Variants in WIZ observed in about 807,000 individuals in gnomAD.
The protein encoded by WIZ is WIZ zinc finger, also known as protein Wiz.
In WIZ, 25 loss-of-function variants were observed where a neutral mutation model predicts 140.2. The observed-to-expected ratio is 0.18, with a 90% CI of 0.13 to 0.25. WIZ has a LOEUF of 0.25. WIZ is among the 10% of genes least tolerant of loss of function. The probability of loss-of-function intolerance (pLI) is 1.00; values close to 1 mark genes in which losing one functional copy is unlikely to be tolerated. For missense variants in WIZ, 2,231 were observed against 2,632.6 expected (o/e 0.85, Z 3.34); for synonymous variants, 1,125 against 1,154.3 (o/e 0.97, Z 0.51).
At chr19:15,425,794 AG>A in intron 9 of WIZ, 26 bp from the exon 10 acceptor site, 1 of 850,970 alleles carries the variant, frequency 1.2e-6, no homozygotes, top group Non-Finnish European at 1.5e-6. Context: ...GGTAGGGGGA[AG>A]GAGGAGGAGG....
chr19:15,445,319 T>C lies in WIZ; in HGVS notation c.206-2571A>G, dbSNP rs557825295. On this transcript the variant is annotated intron_variant, in intron 2 of 12. Coordinates refer to ENST00000673675, the MANE Select transcript of WIZ (RefSeq NM_001371589.1). ...CGAGTTCAATACCCCAGGGGTGCCC[T>C]GAAGGGCGTGCCTCTCCCACTCCGA... is the stretch of plus-strand genomic sequence containing the variant. Among the ~76,000 whole-genome samples the C allele has an allele frequency of 6.2e-4, 95 of 152,346 alleles. 1 individual carries two copies. The South Asian group carries it at 0.019, about 31-fold the overall frequency.
chr19:15,439,809 C>G lies in WIZ; in HGVS notation c.1185G>C (p.Glu395Asp). 3.3e-6 allele frequency: 5 copies of G among 1,523,622 alleles called. No homozygotes were observed. Among genetic ancestry groups the G allele is most frequent in the Non-Finnish European group, 4.4e-6 (5 of 1,140,880 alleles). 94.4% of individuals were successfully genotyped at this position (1,523,622 alleles called of 1,614,324 possible). ...GGCACTGCAGCCGTGCCTCCCGGCC[C>G]TCGTCTCCTGGAACTTGCTTCAGCT... Reference protein sequence around the residue: ...IQKLKQVPGDEGREARLQCPK... With the variant: ...IQKLKQVPGDDGREARLQCPK... Residue 395 changes from glutamate (E) to aspartate (D), a missense_variant, in exon 4 of 13, where the codon GAG becomes GAC. Coordinates refer to ENST00000673675, the MANE Select transcript of WIZ (RefSeq NM_001371589.1). The surrounding 1 kb of genome is among the most constrained non-coding windows in gnomAD (Gnocchi z 7.0).
In WIZ at chr19:15,439,301, T is replaced by G; in HGVS notation, c.1693A>C (p.Lys565Gln). 1 of 1,535,436 alleles carries G rather than the reference T, an allele frequency of 6.5e-7. No individual in the cohort carries two copies. Among genetic ancestry groups the G allele is most frequent in the Non-Finnish European group, 8.7e-7 (1 of 1,146,620 alleles). ...TGGCCCGTGCCATGCAGGAGTGGCT[T>G]TGACAGCGGGAAATCTCTGATGCTC... is the stretch of plus-strand genomic sequence containing the variant. The part of the protein sequence containing the change: ...QLSIRDFPLS[K>Q]PLLHGTGQRP... Residue 565 changes from lysine to glutamine, a missense_variant, in exon 4 of 13, where the codon AAG (lysine) becomes CAG (glutamine). By Grantham distance (53) the Lys-to-Gln change is moderately conservative (BLOSUM62 1). Around this residue, in one of 15 missense-constraint regions of WIZ, gnomAD observed 475 missense variants for 520.2 expected, o/e 0.91. Transcript: ENST00000673675. This position sits in a 1 kb window ranked among gnomAD's most constrained non-coding sequence, Gnocchi z 7.0.
chr19:15,438,432 C>T lies in WIZ; in HGVS notation c.2416+146G>A, dbSNP rs955354835. ...TGGGGCGTCTCCACACATCCACCGA[C>T]CAGGTGGCCTTCACTGTGGCTCTCA... is the stretch of plus-strand genomic sequence containing the variant. On this transcript the variant is annotated intron_variant, in intron 4 of 12. Transcript: ENST00000673675. 8 of 899,286 alleles carry T rather than the reference C, an allele frequency of 8.9e-6. No homozygotes were observed. In the African/African-American group the frequency reaches 1.3e-4, roughly 15 times the overall value. 55.7% of individuals were successfully genotyped at this position (899,286 alleles called of 1,614,324 possible).
rs771127213 is a variant in WIZ, at chr19:15,427,335, G to C, written c.4013C>G (p.Pro1338Arg). 1 of 1,613,702 alleles carries C rather than the reference G, an allele frequency of 6.2e-7. No homozygotes were observed. Among genetic ancestry groups the C allele is most frequent in the Non-Finnish European group, 8.5e-7 (1 of 1,179,940 alleles). ...RRTQSRPGGP[P>R]NPPGPSPKAL... is the part of the protein sequence containing the mutation. ...TTTTGGGCTTGGCCCTGGTGGGTTG[G>C]GAGGTCCACCAGGCCGAGACTGGGT... is the stretch of plus-strand genomic sequence containing the variant. The change falls in exon 9 of 13, where the codon CCC becomes CGC. Residue 1338 changes from proline (P) to arginine (R), a missense_variant. This residue lies in a region of WIZ where 393 missense variants were observed against 451.7 expected (regional missense o/e 0.87). Coordinates refer to ENST00000673675, the MANE Select transcript of WIZ (RefSeq NM_001371589.1). This position sits in a 1 kb window ranked among gnomAD's most constrained non-coding sequence, Gnocchi z 6.4.
Position 15,427,938 on chromosome 19 carries a change from C to T in WIZ, c.3814+172G>A, listed in dbSNP as rs548188638. Among the ~76,000 whole-genome samples the T allele has an allele frequency of 7.2e-5, 11 of 152,256 alleles. No homozygotes were observed. Among genetic ancestry groups the T allele is most frequent in the African/African-American group, 2.6e-4 (11 of 41,558 alleles). On this transcript the variant is annotated intron_variant, in intron 8 of 12. Coordinates refer to ENST00000673675, the MANE Select transcript of WIZ (RefSeq NM_001371589.1). The surrounding 1 kb of genome is among the most constrained non-coding windows in gnomAD (Gnocchi z 6.4). ...CAGGAAGGGTCATGGAGGTCAAAGG[C>T]CAAGAGAGAGGGCCTAGCAGCCCAC... is the stretch of plus-strand genomic sequence containing the variant.
chr19:15,423,258 G>A (rs778542048), intron 12 of WIZ, 23 bp from the exon 13 acceptor site: 2 of 1,611,554 alleles, frequency 1.2e-6, no homozygotes, highest in African/African-American at 1.3e-5. Context: ...ACAGAGAGAG[G>A]GAGTGGCCAG....
At position 15,429,847 on chromosome 19, in the gene WIZ, G is replaced by C. The variant is rs1343316009; in HGVS notation, c.3154C>G (p.Arg1052Gly). 1 of 1,528,414 alleles carries C rather than the reference G, an allele frequency of 6.5e-7. No homozygotes were observed. Among genetic ancestry groups the C allele is most frequent in the Non-Finnish European group, 8.8e-7 (1 of 1,141,906 alleles). 94.7% of individuals were successfully genotyped at this position (1,528,414 alleles called of 1,614,324 possible). ...TTGGCCAGGCTGAGCAAGCCGGGCC[G>C]GGGGGCCCCGGCGACCACCTCCTTC... ...SLKEVVAGAP[R>G]PGLLSLAKPL... The change falls in exon 7 of 13, where the codon CGG becomes GGG. Residue 1052 changes from arginine (R) to glycine (G), a missense_variant. Arg to Gly is a moderately radical substitution (Grantham distance 125). Around this residue, in one of 15 missense-constraint regions of WIZ, gnomAD observed 163 missense variants for 166.8 expected, o/e 0.98. Transcript: ENST00000673675.
chr19:15,442,587 T>C lies in WIZ; in HGVS notation c.278+89A>G, dbSNP rs1455861003. On this transcript the variant is annotated intron_variant, in intron 3 of 12. Transcript: ENST00000673675. The surrounding 1 kb of genome is among the most constrained non-coding windows in gnomAD (Gnocchi z 5.5). ...GGCCTCCTGATTCCCTCCTGTCCCC[T>C]TCTCATTCCCCAGGGGCTTATCTGA... 1 of 1,035,094 alleles carries C rather than the reference T, an allele frequency of 9.7e-7. No homozygotes were observed. The highest frequency in any genetic ancestry group is 1.2e-6 in the Non-Finnish European group (1 of 808,102). The allele number at this position is 1,035,094 out of a possible 1,614,324, so 64.1% of individuals were successfully genotyped here. A position where few individuals can be genotyped will look rare whatever the true frequency, so the allele number is the denominator to read the frequency against.
rs370881345 is a variant in WIZ at position 15,424,391 on chromosome 19, G to C, written c.5315-13C>G. ...CGGCGTTCAAATTCTAAGGTGGAGAGGGGGACGGGAGATGAGTGGGAGGGG... is the reference window on the plus strand; with the variant it reads ...CGGCGTTCAAATTCTAAGGTGGAGACGGGGACGGGAGATGAGTGGGAGGGG... On this transcript the variant is annotated splice_polypyrimidine_tract_variant and intron_variant, in intron 11 of 12. Coordinates refer to ENST00000673675, the MANE Select transcript of WIZ (RefSeq NM_001371589.1). This position sits in a 1 kb window ranked among gnomAD's most constrained non-coding sequence, Gnocchi z 9.7. 2.3e-4 allele frequency: 373 copies of C among 1,599,338 alleles called. No individual in the cohort carries two copies. The highest frequency in any genetic ancestry group is 2.6e-4 in the Non-Finnish European group (302 of 1,176,268).
In WIZ at chr19:15,440,515, C is replaced by A. The variant is rs201229144; in HGVS notation, c.479G>T (p.Gly160Val). 3 of 1,536,136 alleles carry A rather than the reference C, an allele frequency of 2.0e-6. No homozygotes were observed. The highest frequency in any genetic ancestry group is 2.6e-6 in the Non-Finnish European group (3 of 1,146,894). The part of the protein sequence containing the change: ...RTMKPHAELE[G>V]SRRFLHHRGE... ...CCGGTGGTGTAAGAACCTTCTAGAGCCCTCTAGCTCAGCGTGGGGTTTCAT... is the reference window on the plus strand; with the variant it reads ...CCGGTGGTGTAAGAACCTTCTAGAGACCTCTAGCTCAGCGTGGGGTTTCAT... Residue 160 changes from glycine (G) to valine (V), a missense_variant, in exon 4 of 13, where the codon GGC (glycine) becomes GTC (valine). Transcript: ENST00000673675. The surrounding 1 kb of genome is among the most constrained non-coding windows in gnomAD (Gnocchi z 6.2).
intron 3 of WIZ, among the ~76,000 whole-genome samples, chr19:15,441,926 C>A (rs909418643): frequency 6.6e-6 from 1 of 152,164 alleles, no homozygotes; most frequent in Non-Finnish European, 1.5e-5. Flanking sequence ...GTGGCTCATG[C>A]CTGTAATCCC....
Position 15,427,336 on chromosome 19 carries a change from G to C in WIZ, c.4012C>G (p.Pro1338Ala). 1.9e-6 allele frequency: 3 copies of C among 1,613,686 alleles called. No homozygotes were observed. The highest frequency in any genetic ancestry group is 2.5e-6 in the Non-Finnish European group (3 of 1,179,956). ...TTTGGGCTTGGCCCTGGTGGGTTGG[G>C]AGGTCCACCAGGCCGAGACTGGGTC... ...RRTQSRPGGP[P>A]NPPGPSPKAL... Residue 1338 changes from proline to alanine, a missense_variant, in exon 9 of 13, where the codon CCC (proline) becomes GCC (alanine). Coordinates refer to ENST00000673675, the MANE Select transcript of WIZ (RefSeq NM_001371589.1). This position sits in a 1 kb window ranked among gnomAD's most constrained non-coding sequence, Gnocchi z 6.4.
rs1599698324 is a variant in WIZ at position 15,438,731 on chromosome 19, G to C, written c.2263C>G (p.Pro755Ala). 1.3e-6 allele frequency: 2 copies of C among 1,536,110 alleles called. No individual in the cohort carries two copies. Among genetic ancestry groups the C allele is most frequent in the Non-Finnish European group, 1.7e-6 (2 of 1,146,856 alleles). The change falls in exon 4 of 13, where the codon CCC becomes GCC. Residue 755 changes from proline to alanine, a missense_variant. Pro to Ala is a conservative substitution (Grantham distance 27). Transcript: ENST00000673675. ...KHEERKCPYC[P>A]DRFHNGIGLA... ...CCGATGCCGTTGTGGAAGCGATCGG[G>C]GCAGTAGGGGCATTTCCGCTCCTCG...
intron 3 of WIZ, among the ~76,000 whole-genome samples, chr19:15,441,823 A>G (rs954175997): frequency 2.6e-5 from 4 of 152,182 alleles, no homozygotes; most frequent in African/African-American, 9.7e-5. Flanking sequence ...AGTGTAGCTC[A>G]TAGCAGCTAT....
At chr19:15,438,427 A>T in intron 4 of WIZ, 151 bp downstream of exon 4, 3 of 867,876 alleles carry the variant, frequency 3.5e-6, no homozygotes, top group Non-Finnish European at 5.0e-6. Context: ...CCACACATCC[A>T]CCGACCAGGT....
At chr19:15,426,804 G>C (rs962840536) in intron 9 of WIZ, among the ~76,000 whole-genome samples, 178 bp downstream of exon 9, 1 of 152,222 alleles carries the variant, frequency 6.6e-6, no homozygotes, top group Non-Finnish European at 1.5e-5. Context: ...AAGGACAATT[G>C]AGCAGCAGCT....
At chr19:15,444,617 G>C (rs1006445897) in intron 2 of WIZ, among the ~76,000 whole-genome samples, 1 of 152,328 alleles carries the variant, frequency 6.6e-6, no homozygotes, top group Non-Finnish European at 1.5e-5. Flanking sequence ...CTGATGGGCA[G>C]CAGAGCTGTG....
chr19:15,446,817 A>C (rs1212545969), intron 2 of WIZ, among the ~76,000 whole-genome samples: 4 of 152,222 alleles, frequency 2.6e-5, no homozygotes, highest in African/African-American at 9.6e-5. Flanking sequence ...GGTGGGGTCT[A>C]TGAGAGCGAG....
Sources: gnomAD v4.1 joint callset for allele counts (sites outside exome capture counted in the v4.1 genomes callset) on GRCh38, gnomAD v4.1.1 for gene constraint, gnomAD v4.1.1 regional missense constraint, Gnocchi (gnomAD v3.1) non-coding constraint, MANE v1.5 for transcripts, NCBI Gene and HGNC (gene_info 2026-07-23, HGNC 2026-07-21) for gene names.